ARMC2: variants seen among roughly 807,000 people sequenced by gnomAD.
The protein encoded by ARMC2 is armadillo repeat-containing protein 2.
A neutral mutation model predicts 90.3 loss-of-function variants in ARMC2; 67 were observed. That is an observed-to-expected ratio of 0.74 (90% confidence interval 0.61 to 0.91). The LOEUF (loss-of-function observed/expected upper bound fraction) is 0.91, where lower values mean the gene tolerates loss of function less well. Ranked by LOEUF, ARMC2 falls within the 40% of genes least tolerant of loss-of-function variation. The pLI is 0.00. For missense variants in ARMC2, 920 were observed against 1,030.9 expected (o/e 0.89, Z 1.47); for synonymous variants, 393 against 393.0 (o/e 1.00, Z 0.00).
At chr6:109,041,573 T>G in the ARMC2 span, among the ~76,000 whole-genome samples, 10 of 152,162 alleles carry the variant, frequency 6.6e-5, no homozygotes, top group South Asian at 2.1e-3. Flanking sequence ...TAAAGTAGAC[T>G]TCAGAGCAAA....
At chr6:109,006,480 G>A in the ARMC2 span, among the ~76,000 whole-genome samples, 2 of 138,632 alleles carry the variant, frequency 1.4e-5, no homozygotes, top group Non-Finnish European at 3.0e-5. Flanking sequence ...CCCGGTGTGT[G>A]ATGTTCCCCA....
At chr6:108,867,745 T>C in intron 3 of ARMC2, among the ~76,000 whole-genome samples, 1 of 151,630 alleles carries the variant, frequency 6.6e-6, no homozygotes, top group Non-Finnish European at 1.5e-5. Context: ...CACTCCAGCC[T>C]GGGCAACAAG....
chr6:108,948,542 G>T (rs1683741353), intron 12 of ARMC2, among the ~76,000 whole-genome samples: 2 of 150,738 alleles, frequency 1.3e-5, no homozygotes, highest in African/African-American at 4.9e-5. Context: ...GGCGCAATCT[G>T]CCATCCCATT....
intron 3 of ARMC2, among the ~76,000 whole-genome samples, chr6:108,859,765 C>T (rs114706650): frequency 0.012 from 1,803 of 151,990 alleles, 34 homozygotes; most frequent in African/African-American, 0.042. Flanking sequence ...AGTGCTTTGG[C>T]GGACCCAGGC....
the ARMC2 span, among the ~76,000 whole-genome samples, chr6:108,980,838 C>T: frequency 2.0e-5 from 3 of 152,036 alleles, no homozygotes; most frequent in Admixed American, 6.6e-5. Context: ...TGCAGTAAGC[C>T]GAGATTGTGC....
chr6:108,894,536 C>T lies in ARMC2; in HGVS notation c.741C>T (p.Thr247=), dbSNP rs370951932. The change falls in exon 6 of 18, where the codon ACC becomes ACT. Residue 247 remains threonine (T), a synonymous_variant. Coordinates refer to ENST00000392644, the MANE Select transcript of ARMC2 (RefSeq NM_032131.6). ...PSSSDLSRLQ[T]KAVPKADLQE... ...GCTCAGACCTGAGCAGGCTGCAAAC[C>T]AAAGCAGGTGAGGGGTCCCCACACT... The T allele has an allele frequency of 5.6e-6, 9 of 1,603,178 alleles. No individual in the cohort carries two copies. The highest frequency in any genetic ancestry group is 7.7e-6 in the Non-Finnish European group (9 of 1,175,564).
intron 6 of ARMC2, among the ~76,000 whole-genome samples, chr6:108,895,029 G>T (rs1771462147): frequency 6.7e-6 from 1 of 150,174 alleles, no homozygotes; most frequent in Non-Finnish European, 1.5e-5. Context: ...GCCTTCCAAA[G>T]TGCTGGGATT....
chr6:109,003,250 C>T, the ARMC2 span, among the ~76,000 whole-genome samples: 77 of 151,268 alleles, frequency 5.1e-4, no homozygotes, highest in African/African-American at 1.9e-3. Context: ...AGATTAACCC[C>T]TTCACTCATA....
chr6:108,910,455 T>A (rs1426174919), intron 8 of ARMC2, among the ~76,000 whole-genome samples: 1 of 152,038 alleles, frequency 6.6e-6, no homozygotes, highest in African/African-American at 2.4e-5. Flanking sequence ...CAAGACCCTG[T>A]CTCTGTAAAA....
chr6:108,877,866 T>G (rs1024380703), intron 5 of ARMC2, among the ~76,000 whole-genome samples: 1 of 152,230 alleles, frequency 6.6e-6, no homozygotes, highest in Non-Finnish European at 1.5e-5. Flanking sequence ...ACAAATCAGT[T>G]AGCACTTCTT....
chr6:108,952,911 C>T (rs896774356), intron 12 of ARMC2, 122 bp from the exon 13 acceptor site: 35 of 976,796 alleles, frequency 3.6e-5, no homozygotes, highest in African/African-American at 2.0e-4. Context: ...ACAAGTGAGC[C>T]GAAGCCAGAC....
At chr6:109,042,918 C>T in the ARMC2 span, among the ~76,000 whole-genome samples, 3 of 151,940 alleles carry the variant, frequency 2.0e-5, no homozygotes, top group Admixed American at 6.6e-5. Flanking sequence ...AAAATACAGC[C>T]TCATGAAAAT....
chr6:109,046,692 G>A, the ARMC2 span, among the ~76,000 whole-genome samples: 46 of 135,924 alleles, frequency 3.4e-4, no homozygotes, highest in African/African-American at 1.2e-3. Context: ...GTCTCTGCCC[G>A]GCCGCCCATC....
intron 12 of ARMC2, among the ~76,000 whole-genome samples, chr6:108,946,305 T>C (rs1354855884): frequency 6.6e-6 from 1 of 151,884 alleles, no homozygotes; most frequent in African/African-American, 2.4e-5. Flanking sequence ...ATAGAACAGA[T>C]AGATGGATGG....
intron 5 of ARMC2, among the ~76,000 whole-genome samples, chr6:108,884,375 A>G (rs1393450295): frequency 1.3e-5 from 2 of 152,258 alleles, no homozygotes; most frequent in African/African-American, 2.4e-5. Flanking sequence ...TTGAATGCAC[A>G]CACAAGGTCT....
At chr6:108,933,193 C>A (rs750905778) in intron 11 of ARMC2, among the ~76,000 whole-genome samples, 6 of 151,910 alleles carry the variant, frequency 3.9e-5, no homozygotes, top group Non-Finnish European at 7.4e-5. Context: ...TTCTTCCTAT[C>A]CATAAGCATG....
At position 108,899,773 on chromosome 6, in the gene ARMC2, T is replaced by G. The variant is rs1329378578; in HGVS notation, c.828T>G (p.Ile276Met). 4.3e-6 allele frequency: 7 copies of G among 1,612,832 alleles called. No homozygotes were observed. In the Admixed American group the frequency reaches 1.2e-4, roughly 27 times the overall value. ...TTTGGAATACAAGGATTGTACCGAT[T>G]TTGCGTGAATTAGAAAAGGGTAAAA... Reference protein sequence around the residue: ...EVFWNTRIVPILRELEKEENI... With the variant: ...EVFWNTRIVPMLRELEKEENI... The change falls in exon 7 of 18, where the codon ATT (isoleucine) becomes ATG (methionine). Residue 276 changes from isoleucine (I) to methionine (M), a missense_variant. Ile to Met is a conservative substitution (Grantham distance 10, BLOSUM62 1). Coordinates refer to ENST00000392644, the MANE Select transcript of ARMC2 (RefSeq NM_032131.6).
the ARMC2 span, among the ~76,000 whole-genome samples, chr6:109,044,952 G>T: frequency 2.0e-5 from 3 of 152,036 alleles, no homozygotes; most frequent in Non-Finnish European, 4.4e-5. Context: ...GAACCCAGGA[G>T]GTAGAGGTTG....
chr6:108,906,090 A>G (rs559451817), intron 8 of ARMC2, among the ~76,000 whole-genome samples: 2 of 152,334 alleles, frequency 1.3e-5, no homozygotes, highest in Admixed American at 1.3e-4. Flanking sequence ...CTGCCTGTTT[A>G]TTGGCAAATA....
Sources: gnomAD v4.1 joint callset for allele counts (sites outside exome capture counted in the v4.1 genomes callset) on GRCh38, gnomAD v4.1.1 for gene constraint, MANE v1.5 for transcripts, NCBI Gene and HGNC (gene_info 2026-07-23, HGNC 2026-07-21) for gene names.